The following EPHA6 variants were observed in gnomAD, a reference collection of about 807,000 sequenced individuals.
The protein encoded by EPHA6 is EPH receptor A6.
In EPHA6, 50 loss-of-function variants were observed where a neutral mutation model predicts 112.0. That is an observed-to-expected ratio of 0.45 (90% confidence interval 0.36 to 0.56). The LOEUF is 0.56. Ranked by LOEUF, EPHA6 falls within the 20% of genes least tolerant of loss-of-function variation. The pLI, the probability that EPHA6 is intolerant of heterozygous loss-of-function variation, is 0.00. For synonymous variants in EPHA6, 529 were observed against 490.7 expected, an observed-to-expected ratio of 1.08 and a Z score of -1.03; for missense variants, 1,280 against 1,417.4, an observed-to-expected ratio of 0.90 and a Z score of 1.56.
intron 7 of EPHA6, among the ~76,000 whole-genome samples, chr3:97,454,834 A>G (rs1446952896): frequency 6.6e-6 from 1 of 151,972 alleles, no homozygotes; most frequent in East Asian, 1.9e-4. Context: ...AATGATTATT[A>G]ATGGTAGCAC....
chr3:97,441,457 G>A, intron 6 of EPHA6: 1 of 978,296 alleles, frequency 1.0e-6, no homozygotes, highest in Non-Finnish European at 1.2e-6. Context: ...TCCTCAACTA[G>A]ACATCTGCCA....
At chr3:97,670,319 G>A (rs984602832) in intron 14 of EPHA6, among the ~76,000 whole-genome samples, 2 of 152,154 alleles carry the variant, frequency 1.3e-5, no homozygotes, top group African/African-American at 4.8e-5. Flanking sequence ...GGTATCCGTA[G>A]TCAAAATTGG....
intron 5 of EPHA6, among the ~76,000 whole-genome samples, chr3:97,391,078 C>A (rs1430569989): frequency 6.6e-6 from 1 of 151,816 alleles, no homozygotes; most frequent in African/African-American, 2.4e-5. Flanking sequence ...TTTGAAATAA[C>A]CTTTCCTTTA....
chr3:97,174,565 G>T (rs902197349), intron 3 of EPHA6, among the ~76,000 whole-genome samples: 1 of 151,582 alleles, frequency 6.6e-6, no homozygotes, highest in African/African-American at 2.4e-5. Context: ...ATTTGTTATT[G>T]CTTGTCTTTT....
intron 1 of EPHA6, among the ~76,000 whole-genome samples, chr3:96,858,215 T>A (rs559891363): frequency 6.6e-6 from 1 of 152,234 alleles, no homozygotes; most frequent in African/African-American, 2.4e-5. Context: ...TCTTGTCATA[T>A]ATAGGGTAGC....
At chr3:97,148,209 C>T (rs1228264411) in intron 3 of EPHA6, among the ~76,000 whole-genome samples, 1 of 152,048 alleles carries the variant, frequency 6.6e-6, no homozygotes, top group Non-Finnish European at 1.5e-5. Context: ...ATGGCTTATG[C>T]ATGTAATCCC....
At chr3:97,171,127 A>G (rs1408341728) in intron 3 of EPHA6, among the ~76,000 whole-genome samples, 1 of 152,208 alleles carries the variant, frequency 6.6e-6, no homozygotes, top group African/African-American at 2.4e-5. Context: ...AAAGATGGTT[A>G]GTATCAGCTA....
intron 14 of EPHA6, among the ~76,000 whole-genome samples, chr3:97,702,717 A>G (rs549035470): frequency 1.3e-5 from 2 of 152,294 alleles, no homozygotes; most frequent in East Asian, 3.9e-4. Flanking sequence ...GGTAGCATGT[A>G]GGTCATTCTG....
intron 2 of EPHA6, among the ~76,000 whole-genome samples, chr3:96,971,447 T>G (rs1446364564): frequency 6.6e-6 from 1 of 152,138 alleles, no homozygotes; most frequent in African/African-American, 2.4e-5. Flanking sequence ...TCTTGTTTTA[T>G]TCTCCAAAGC....
At chr3:97,416,438 G>C in intron 6 of EPHA6, among the ~76,000 whole-genome samples, 1 of 152,086 alleles carries the variant, frequency 6.6e-6, no homozygotes, top group East Asian at 1.9e-4. Context: ...ACCTAAGATG[G>C]AGAGGTATTT....
At chr3:97,376,599 A>G (rs909950476) in intron 5 of EPHA6, among the ~76,000 whole-genome samples, 2 of 152,204 alleles carry the variant, frequency 1.3e-5, no homozygotes, top group African/African-American at 4.8e-5. Flanking sequence ...GGCTTTTCCC[A>G]TAGTCTAATT....
chr3:96,965,610 T>C (rs574027977), intron 2 of EPHA6, among the ~76,000 whole-genome samples: 4 of 152,176 alleles, frequency 2.6e-5, no homozygotes, highest in African/African-American at 4.8e-5. Context: ...TATAAACCTG[T>C]CATCTACCAG....
chr3:96,958,852 T>C (rs1467881163), intron 2 of EPHA6, among the ~76,000 whole-genome samples: 1 of 152,220 alleles, frequency 6.6e-6, no homozygotes, highest in African/African-American at 2.4e-5. Context: ...TTAGTATTCC[T>C]TTTTATTCCC....
At chr3:97,686,234 G>A (rs958006083) in intron 14 of EPHA6, among the ~76,000 whole-genome samples, 1 of 152,128 alleles carries the variant, frequency 6.6e-6, no homozygotes, top group African/African-American at 2.4e-5. Flanking sequence ...GGAATTATCT[G>A]GAGATTAAAG....
rs1439581022 is a variant in EPHA6, at chr3:97,087,716, A to G, written c.1114+99723A>G. On this transcript the variant is annotated intron_variant, in intron 3 of 17. Transcript: ENST00000389672. ...TCTGAAATGACAGTAGTGAGTAACT[A>G]CTTTCCTCTGTCCATTCCTGAGACC... Among the ~76,000 whole-genome samples, 4 of 152,258 alleles carry G rather than the reference A, an allele frequency of 2.6e-5. No individual in the cohort carries two copies. In the East Asian group the frequency reaches 5.8e-4, roughly 22 times the overall value.
At chr3:97,504,771 T>C (rs2092203813) in intron 10 of EPHA6, among the ~76,000 whole-genome samples, 2 of 152,300 alleles carry the variant, frequency 1.3e-5, no homozygotes, top group African/African-American at 4.8e-5. Context: ...CAAAGTTTAT[T>C]TTTTATTTTC....
intron 5 of EPHA6, among the ~76,000 whole-genome samples, chr3:97,288,923 G>GA (rs2080576345): frequency 1.6e-5 from 1 of 64,166 alleles, no homozygotes; most frequent in Non-Finnish European, 3.0e-5. Flanking sequence ...TTTTAATGGG[G>GA]ATTTTTTTTT....
At chr3:97,114,796 G>GT (rs2047832374) in intron 3 of EPHA6, among the ~76,000 whole-genome samples, 1 of 151,970 alleles carries the variant, frequency 6.6e-6, no homozygotes, top group Non-Finnish European at 1.5e-5. Flanking sequence ...AAGTTGCATT[G>GT]TTTTTTCTCT....
intron 4 of EPHA6, among the ~76,000 whole-genome samples, chr3:97,238,418 A>G (rs1181803510): frequency 6.6e-6 from 1 of 152,014 alleles, no homozygotes; most frequent in African/African-American, 2.4e-5. Context: ...AGAATTGCAC[A>G]AAACTATGCA....
Sources: gnomAD v4.1 joint callset for allele counts (sites outside exome capture counted in the v4.1 genomes callset) on GRCh38, gnomAD v4.1.1 for gene constraint, MANE v1.5 for transcripts, NCBI Gene and HGNC (gene_info 2026-07-23, HGNC 2026-07-21) for gene names.